Variants in PLCB1 observed in about 807,000 individuals in gnomAD.
PLCB1 encodes the protein phospholipase C beta 1, also known as 1-phosphatidylinositol 4,5-bisphosphate phosphodiesterase beta-1.
Under a neutral mutation model 161.8 loss-of-function variants are expected in PLCB1, and 46 were observed. The observed-to-expected ratio is 0.28, with a 90% confidence interval of 0.22 to 0.36. The LOEUF is 0.36. PLCB1 is among the 10% of genes least tolerant of loss of function. The probability of loss-of-function intolerance (pLI) is 1.00; values close to 1 mark genes in which losing one functional copy is unlikely to be tolerated. For synonymous variants in PLCB1, 517 were observed against 503.7 expected (o/e 1.03, Z -0.35); for missense variants, 1,016 against 1,472.5 (o/e 0.69, Z 5.07).
At chr20:8,880,312 C>A (rs185616627) in intron 31 of PLCB1, among the ~76,000 whole-genome samples, 41 of 152,206 alleles carry the variant, frequency 2.7e-4, no homozygotes, top group Admixed American at 1.0e-3. Context: ...CTCCCTGTTG[C>A]CCCCGTTCTC....
At chr20:8,418,671 A>G (rs115239773) in intron 3 of PLCB1, among the ~76,000 whole-genome samples, 4,138 of 152,244 alleles carry the variant, frequency 0.027, 182 homozygotes, top group African/African-American at 0.093. Flanking sequence ...GTAATAAAAA[A>G]TCAAAATATT....
chr20:8,468,000 A>C (rs1399626123), intron 3 of PLCB1, among the ~76,000 whole-genome samples: 1 of 152,218 alleles, frequency 6.6e-6, no homozygotes, highest in African/African-American at 2.4e-5. Flanking sequence ...TGCTACAGGA[A>C]AAATGTGGAT....
intron 3 of PLCB1, among the ~76,000 whole-genome samples, chr20:8,392,569 C>T (rs1283022556): frequency 6.6e-6 from 1 of 152,008 alleles, no homozygotes; most frequent in Non-Finnish European, 1.5e-5. Flanking sequence ...GCAGGATGAT[C>T]CCTGGGGACT....
At chr20:8,443,628 A>G (rs144295950) in intron 3 of PLCB1, among the ~76,000 whole-genome samples, 56 of 152,270 alleles carry the variant, frequency 3.7e-4, no homozygotes, top group Non-Finnish European at 6.6e-4. Flanking sequence ...AACTGACTTC[A>G]GTCTGAGTTT....
intron 31 of PLCB1, among the ~76,000 whole-genome samples, chr20:8,844,528 T>C (rs1986619560): frequency 6.6e-6 from 1 of 152,028 alleles, no homozygotes. Flanking sequence ...GGCATTGAGC[T>C]ATGATTAGGC....
At chr20:8,366,828 G>T (rs186040558) in intron 2 of PLCB1, among the ~76,000 whole-genome samples, 3 of 152,162 alleles carry the variant, frequency 2.0e-5, no homozygotes, top group African/African-American at 7.2e-5. Context: ...AATGATTCCG[G>T]TAGGTTATGT....
chr20:8,431,606 A>G lies in PLCB1; in HGVS notation c.246+60156A>G, dbSNP rs149266318. ...CAGGATTTCAGAATCATGGTAAGGG[A>G]TTATAGACATGTATTTGGTATGTGC... On this transcript the variant is annotated intron_variant, in intron 3 of 31. Transcript: ENST00000338037. 4.6e-3 allele frequency among the ~76,000 whole-genome samples: 699 copies of G among 152,246 alleles called. 9 individuals carry two copies. Among genetic ancestry groups the G allele is most frequent in the African/African-American group, 0.015 (640 of 41,564 alleles).
chr20:8,339,157 A>T (rs1356924332), intron 2 of PLCB1, among the ~76,000 whole-genome samples: 1 of 152,210 alleles, frequency 6.6e-6, no homozygotes, highest in Non-Finnish European at 1.5e-5. Flanking sequence ...TCTCTTGGGC[A>T]ATTAACTAGG....
At chr20:8,790,400 A>C in intron 31 of PLCB1, 139 bp downstream of exon 31, 3 of 597,004 alleles carry the variant, frequency 5.0e-6, no homozygotes, top group Non-Finnish European at 5.9e-6. Context: ...TATCTTTCTC[A>C]ATGAAGGAAA....
chr20:8,422,050 T>C (rs1242219359), intron 3 of PLCB1, among the ~76,000 whole-genome samples: 1 of 152,244 alleles, frequency 6.6e-6, no homozygotes, highest in Non-Finnish European at 1.5e-5. Context: ...CTCTAGTTTC[T>C]GTGATGCTGG....
intron 3 of PLCB1, among the ~76,000 whole-genome samples, chr20:8,395,860 A>G (rs1042743978): frequency 1.7e-4 from 26 of 152,124 alleles, no homozygotes; most frequent in African/African-American, 6.0e-4. Context: ...TAAAATATAG[A>G]AAGTCATAAT....
At chr20:8,698,934 G>A (rs1990640683) in intron 11 of PLCB1, among the ~76,000 whole-genome samples, 1 of 152,184 alleles carries the variant, frequency 6.6e-6, no homozygotes, top group Admixed American at 6.5e-5. Flanking sequence ...ACACATTCAT[G>A]TGTATGGACA....
intron 31 of PLCB1, among the ~76,000 whole-genome samples, chr20:8,843,865 A>G (rs1036535740): frequency 6.6e-6 from 1 of 151,678 alleles, no homozygotes; most frequent in Non-Finnish European, 1.5e-5. Flanking sequence ...ACTGCTGGGG[A>G]AAAAAAAGAT....
At chr20:8,511,247 C>G (rs1172990666) in intron 3 of PLCB1, among the ~76,000 whole-genome samples, 1 of 152,134 alleles carries the variant, frequency 6.6e-6, no homozygotes, top group African/African-American at 2.4e-5. Context: ...CTACCTGGCT[C>G]ATTTCACTTA....
intron 3 of PLCB1, among the ~76,000 whole-genome samples, chr20:8,477,276 T>A (rs531967703): frequency 6.6e-6 from 1 of 152,330 alleles, no homozygotes; most frequent in Non-Finnish European, 1.5e-5. Flanking sequence ...GGCAAAGCTG[T>A]AGAGTTGCCG....
chr20:8,756,314 G>A (rs1388264298), intron 23 of PLCB1, among the ~76,000 whole-genome samples: 1 of 152,158 alleles, frequency 6.6e-6, no homozygotes, highest in Non-Finnish European at 1.5e-5. Flanking sequence ...GAAGCACAGA[G>A]AGTTAAGTGA....
chr20:8,341,459 T>A (rs1233041094), intron 2 of PLCB1, among the ~76,000 whole-genome samples: 1 of 152,160 alleles, frequency 6.6e-6, no homozygotes, highest in Non-Finnish European at 1.5e-5. Flanking sequence ...TGGGCCTACT[T>A]CTTTTTTGAA....
intron 2 of PLCB1, among the ~76,000 whole-genome samples, chr20:8,226,514 C>G (rs1979692644): frequency 6.6e-6 from 1 of 151,986 alleles, no homozygotes; most frequent in Admixed American, 6.6e-5. Flanking sequence ...TCTGCATTTC[C>G]CTGAAGAAGT....
At chr20:8,322,845 A>G in intron 2 of PLCB1, among the ~76,000 whole-genome samples, 1 of 152,176 alleles carries the variant, frequency 6.6e-6, no homozygotes, top group East Asian at 1.9e-4. Flanking sequence ...TGTCAGAGGA[A>G]AGGAAGTAGC....
Sources: allele counts gnomAD v4.1 joint callset (sites outside exome capture counted in the v4.1 genomes callset), GRCh38; gene constraint gnomAD v4.1.1; transcripts MANE v1.5; gene names NCBI Gene and HGNC (gene_info 2026-07-23, HGNC 2026-07-21).